The following BZW2 variants were observed in gnomAD, a reference collection of about 807,000 sequenced individuals.
The protein encoded by BZW2 is basic leucine zipper and W2 domains 2.
In BZW2, 23 loss-of-function variants were observed where a neutral mutation model predicts 53.2. The ratio of observed to expected loss-of-function variants is 0.43; its 90% CI spans 0.31 to 0.61. BZW2 has a LOEUF of 0.61. BZW2 is among the 20% of genes least tolerant of loss of function. The pLI is 0.09. For synonymous variants in BZW2, 227 were observed against 186.4 expected (o/e 1.22, Z -1.77); for missense variants, 409 against 503.1 (o/e 0.81, Z 1.79).
At chr7:16,665,166 C>T (rs1782384111) in intron 1 of BZW2, among the ~76,000 whole-genome samples, 3 of 152,098 alleles carry the variant, frequency 2.0e-5, no homozygotes, top group South Asian at 2.1e-4. Flanking sequence ...ATTAGCTGGG[C>T]GTGGTGGCTC....
intron 7 of BZW2, among the ~76,000 whole-genome samples, chr7:16,691,469 C>A (rs1425545476): frequency 4.6e-5 from 7 of 152,208 alleles, no homozygotes; most frequent in Non-Finnish European, 1.0e-4. Flanking sequence ...GTTCCACATG[C>A]CTTTTCATTC....
At chr7:16,700,266 G>C (rs1562498998) in intron 10 of BZW2, among the ~76,000 whole-genome samples, 1 of 152,168 alleles carries the variant, frequency 6.6e-6, no homozygotes, top group Non-Finnish European at 1.5e-5. Flanking sequence ...TGGAGAACAT[G>C]CAATCCCTGA....
At chr7:16,700,288 T>C (rs1783626637) in intron 10 of BZW2, among the ~76,000 whole-genome samples, 1 of 152,194 alleles carries the variant, frequency 6.6e-6, no homozygotes, top group Admixed American at 6.5e-5. Flanking sequence ...GAATGATTGT[T>C]CCATACCACC....
At chr7:16,676,057 G>A (rs1306608731) in intron 3 of BZW2, among the ~76,000 whole-genome samples, 2 of 152,086 alleles carry the variant, frequency 1.3e-5, no homozygotes, top group Non-Finnish European at 2.9e-5. Context: ...CCCCAACCTG[G>A]GTGACAGAGC....
At chr7:16,677,128 A>G (rs1029307548) in intron 3 of BZW2, among the ~76,000 whole-genome samples, 30 of 151,160 alleles carry the variant, frequency 2.0e-4, no homozygotes, top group Non-Finnish European at 4.0e-4. Flanking sequence ...AGGGGACCCA[A>G]AGAGGGTAGC....
At chr7:16,663,342 G>T (rs1349743555) in intron 1 of BZW2, among the ~76,000 whole-genome samples, 1 of 152,008 alleles carries the variant, frequency 6.6e-6, no homozygotes, top group East Asian at 1.9e-4. Context: ...ATGGATTCTG[G>T]CTTAATAACC....
rs1374777257 is a variant in BZW2 at position 16,674,363 on chromosome 7, C to T, written c.59-49C>T. 3.0e-6 allele frequency: 4 copies of T among 1,350,490 alleles called. No homozygotes were observed. In the African/African-American group the frequency reaches 5.8e-5, roughly 20 times the overall value. The allele number at this position is 1,350,490 out of a possible 1,614,324, so 83.7% of individuals were successfully genotyped here. On this transcript the variant is annotated intron_variant, in intron 2 of 11. Coordinates refer to ENST00000258761, the MANE Select transcript of BZW2 (RefSeq NM_014038.3). ...ATTAAAGTTTTGATTGTTATACTCTCAGTATTTATTTATTTATTTGACTGT... is the reference window on the plus strand; with the variant it reads ...ATTAAAGTTTTGATTGTTATACTCTTAGTATTTATTTATTTATTTGACTGT...
chr7:16,689,867 C>T lies in BZW2; in HGVS notation c.612C>T (p.Thr204=), dbSNP rs1211908956. Residue 204 remains threonine (T), a synonymous_variant, in exon 7 of 12, where the codon ACC becomes ACT. Transcript: ENST00000258761. The part of the protein sequence containing the change: ...WMAEKDANSV[T]SSLRKANLDK... ...CAGAAAAAGATGCCAACTCTGTTAC[C>T]TCGTCTTTGAGAAAAGCCAACTTAG... 2.5e-6 allele frequency: 4 copies of T among 1,611,856 alleles called. No homozygotes were observed. In the Admixed American group the frequency reaches 5.0e-5, roughly 20 times the overall value.
chr7:16,678,071 A>G (rs997700769), intron 3 of BZW2, among the ~76,000 whole-genome samples: 2 of 120,900 alleles, frequency 1.7e-5, no homozygotes, highest in Non-Finnish European at 3.5e-5. Flanking sequence ...CTCACAATTT[A>G]CCTTCTTCCA....
At chr7:16,705,215 C>T (rs1783802209) in intron 11 of BZW2, among the ~76,000 whole-genome samples, 1 of 152,004 alleles carries the variant, frequency 6.6e-6, no homozygotes. Context: ...AAAAATTAGC[C>T]AGGTATGGTG....
rs145232935 is a variant in BZW2 at position 16,665,827 on chromosome 7, G to A, written c.58+326G>A. ...GTATTTGGTTTTTGCTTTCTTTGTC[G>A]TTTTATGAAAACGTTGATGGCAAAG... is the stretch of plus-strand genomic sequence containing the variant. On this transcript the variant is annotated intron_variant, in intron 2 of 11. Coordinates refer to ENST00000258761, the MANE Select transcript of BZW2 (RefSeq NM_014038.3). 2.6e-5 allele frequency among the ~76,000 whole-genome samples: 4 copies of A among 152,214 alleles called. No homozygotes were observed. In the East Asian group the frequency reaches 5.8e-4, roughly 22 times the overall value.
Position 16,685,894 on chromosome 7 carries a change from T to C in BZW2, c.406-11T>C, listed in dbSNP as rs1583736513. On this transcript the variant is annotated splice_polypyrimidine_tract_variant and intron_variant, in intron 5 of 11. Coordinates refer to ENST00000258761, the MANE Select transcript of BZW2 (RefSeq NM_014038.3). ...TCTTTTTCTTTTTTTTTTTTTTTTT[T>C]TGACCCACAGCTTCTCCTCTTCCTT... 7.0e-7 allele frequency: 1 copy of C among 1,438,600 alleles called. No individual in the cohort carries two copies. The highest frequency in any genetic ancestry group is 9.1e-7 in the Non-Finnish European group (1 of 1,095,356). 89.1% of individuals were successfully genotyped at this position (1,438,600 alleles called of 1,614,324 possible).
intron 2 of BZW2, among the ~76,000 whole-genome samples, chr7:16,670,975 G>A (rs1172869487): frequency 6.6e-6 from 1 of 152,218 alleles, no homozygotes; most frequent in African/African-American, 2.4e-5. Context: ...TGTGACTAGT[G>A]TTAACCACTT....
intron 8 of BZW2, 42 bp from the exon 9 acceptor site, chr7:16,696,873 C>T (rs1783510143): frequency 1.2e-6 from 2 of 1,608,482 alleles, no homozygotes; most frequent in South Asian, 1.1e-5. Flanking sequence ...GGGAGCCCTC[C>T]ATCTGCCTGT....
intron 1 of BZW2, among the ~76,000 whole-genome samples, chr7:16,657,907 C>T (rs1160066681): frequency 2.6e-5 from 4 of 152,084 alleles, no homozygotes; most frequent in East Asian, 3.9e-4. Flanking sequence ...CTTAACGTAT[C>T]GAGAGCAGAA....
rs1279752545 is a variant in BZW2 at position 16,698,110 on chromosome 7, G to A, written c.1032G>A (p.Gln344=). The change falls in exon 10 of 12, where the codon CAG becomes CAA. Residue 344 remains glutamine, a synonymous_variant. Transcript: ENST00000258761. ...SQGQSELILL[Q]KVQEYCYDNI... ...GCCAGTCAGAGCTGATCCTCCTCCA[G>A]AAGGTTCAGGAATACTGCTACGACA... The A allele has an allele frequency of 1.1e-5, 17 of 1,614,170 alleles. No homozygotes were observed. Among genetic ancestry groups the A allele is most frequent in the Non-Finnish European group, 1.4e-5 (17 of 1,180,004 alleles).
At chr7:16,655,264 G>GT (rs1562475047) in intron 1 of BZW2, among the ~76,000 whole-genome samples, 1 of 152,320 alleles carries the variant, frequency 6.6e-6, no homozygotes, top group Admixed American at 6.5e-5. Context: ...ATTAAAAGGG[G>GT]TTTTGTTTAA....
chr7:16,662,899 G>T (rs1231696290), intron 1 of BZW2, among the ~76,000 whole-genome samples: 1 of 152,094 alleles, frequency 6.6e-6, no homozygotes, highest in African/African-American at 2.4e-5. Context: ...TTGCATCTTG[G>T]TACAAGACCC....
At chr7:16,652,760 G>T (rs953089201) in intron 1 of BZW2, among the ~76,000 whole-genome samples, 1 of 152,106 alleles carries the variant, frequency 6.6e-6, no homozygotes, top group Non-Finnish European at 1.5e-5. Flanking sequence ...CCTGACCTCA[G>T]GTGATTCGCC....
Sources: gnomAD v4.1 joint callset for allele counts (sites outside exome capture counted in the v4.1 genomes callset) on GRCh38, gnomAD v4.1.1 for gene constraint, MANE v1.5 for transcripts, NCBI Gene and HGNC (gene_info 2026-07-23, HGNC 2026-07-21) for gene names.